The following MYO18B variants were observed in gnomAD, a reference collection of about 807,000 sequenced individuals.
The protein encoded by MYO18B is myosin XVIIIB, also known as unconventional myosin-XVIIIb.
In MYO18B, 204 loss-of-function variants were observed where a neutral mutation model predicts 273.0. That is an observed-to-expected ratio of 0.75 (90% CI 0.67 to 0.84). MYO18B has a LOEUF of 0.84. Ranked by LOEUF, MYO18B falls within the 40% of genes least tolerant of loss-of-function variation. The pLI is 0.00. For missense variants in MYO18B, 3,212 were observed against 3,287.6 expected (o/e 0.98, Z 0.56); for synonymous variants, 1,330 against 1,305.7 (o/e 1.02, Z -0.40).
rs568240002 is a variant in MYO18B at position 26,019,184 on chromosome 22, C to T, written c.6471-7261C>T. Among the ~76,000 whole-genome samples, 205 of 152,290 alleles carry T rather than the reference C, an allele frequency of 1.3e-3. 2 individuals are homozygous for T. The highest frequency in any genetic ancestry group is 8.5e-3 in the South Asian group (41 of 4,826). On this transcript the variant is annotated intron_variant, in intron 42 of 43. Coordinates refer to ENST00000335473, the MANE Select transcript of MYO18B (RefSeq NM_032608.7). ...ATGTGCTGAAAACATTATAGGTAGA[C>T]AGACCAGCATGGGAGTCTCAGCTCT...
chr22:25,869,336 G>A (rs60451235), intron 22 of MYO18B, among the ~76,000 whole-genome samples: 2 of 151,264 alleles, frequency 1.3e-5, no homozygotes, highest in Non-Finnish European at 2.9e-5. Context: ...TGTAATCCCA[G>A]CTACTTGGGA....
intron 33 of MYO18B, among the ~76,000 whole-genome samples, chr22:25,918,930 G>A (rs1370969498): frequency 6.6e-6 from 1 of 152,154 alleles, no homozygotes; most frequent in African/African-American, 2.4e-5. Flanking sequence ...TCTGGATTCA[G>A]ATCTCTGCAC....
the MYO18B span, among the ~76,000 whole-genome samples, chr22:26,042,709 C>T: frequency 6.6e-6 from 1 of 152,342 alleles, no homozygotes; most frequent in Admixed American, 6.5e-5. Context: ...TTCTCTCTCC[C>T]TCTTCAAACA....
chr22:25,978,640 G>C (rs1013209421), intron 39 of MYO18B, among the ~76,000 whole-genome samples: 1 of 151,978 alleles, frequency 6.6e-6, no homozygotes, highest in Non-Finnish European at 1.5e-5. Flanking sequence ...AGATTGATGA[G>C]AGGAACACCA....
At chr22:26,042,777 TG>T in the MYO18B span, among the ~76,000 whole-genome samples, 1 of 152,238 alleles carries the variant, frequency 6.6e-6, no homozygotes, top group Non-Finnish European at 1.5e-5. Context: ...GTACCTATTA[TG>T]TGCTAGGCAC....
intron 29 of MYO18B, among the ~76,000 whole-genome samples, chr22:25,901,806 G>GT (rs34278088): frequency 0.024 from 2,236 of 92,122 alleles, 16 homozygotes; most frequent in East Asian, 0.032. Flanking sequence ...TTTTGGGTTG[G>GT]TTTTTTTTTT....
chr22:25,925,345 C>T (rs1476491845), intron 34 of MYO18B, among the ~76,000 whole-genome samples: 3 of 151,604 alleles, frequency 2.0e-5, no homozygotes, highest in African/African-American at 7.3e-5. Flanking sequence ...TCCCTCAGAA[C>T]ACCCTTTCGA....
In MYO18B at chr22:25,764,313, AT is replaced by A. The variant is rs577693587; in HGVS notation, c.198+925del. Among the ~76,000 whole-genome samples the A allele has an allele frequency of 4.8e-4, 73 of 152,300 alleles. 1 individual carries two copies. In the South Asian group the frequency reaches 0.015, roughly 32 times the overall value. On this transcript the variant is annotated intron_variant, in intron 3 of 43. Coordinates refer to ENST00000335473, the MANE Select transcript of MYO18B (RefSeq NM_032608.7). ...TCTTTAGCCATGGAACCTGGGCAGG[AT>A]GACAAGGTGGACCATGAGGGAGGCA...
the MYO18B span, among the ~76,000 whole-genome samples, chr22:26,041,869 T>C: frequency 6.6e-6 from 1 of 152,160 alleles, no homozygotes; most frequent in African/African-American, 2.4e-5. Context: ...GCAGATGACC[T>C]CCTGGCAGGT....
intron 39 of MYO18B, among the ~76,000 whole-genome samples, chr22:25,990,921 G>T (rs2146842899): frequency 6.6e-6 from 1 of 151,988 alleles, no homozygotes; most frequent in African/African-American, 2.4e-5. Flanking sequence ...ATTAGAGCCG[G>T]TTACAAGAAA....
chr22:26,020,729 A>T (rs1935742505), intron 42 of MYO18B, among the ~76,000 whole-genome samples: 1 of 152,118 alleles, frequency 6.6e-6, no homozygotes, highest in South Asian at 2.1e-4. Context: ...CTCATTTCTA[A>T]CAAGACCCTG....
intron 4 of MYO18B, 93 bp from the exon 5 acceptor site, chr22:25,770,017 G>A (rs764091769): frequency 6.2e-6 from 8 of 1,291,706 alleles, no homozygotes; most frequent in Non-Finnish European, 9.0e-6. Flanking sequence ...GGTTTAGATG[G>A]CTCCAGAGCA....
At position 25,898,416 on chromosome 22, in the gene MYO18B, A is replaced by G; in HGVS notation, c.4778A>G (p.Glu1593Gly). Reference sequence around the variant, plus strand: ...CTTGAGGATACCTGCGTCCTGCTAGAGAACCAACAAAGTCGAAACCATGAG... The same window carrying G: ...CTTGAGGATACCTGCGTCCTGCTAGGGAACCAACAAAGTCGAAACCATGAG... ...CDLEDTCVLL[E>G]NQQSRNHELE... Residue 1593 changes from glutamate (E) to glycine (G), a missense_variant, in exon 29 of 44, where the codon GAG (glutamate) becomes GGG (glycine). Transcript: ENST00000335473. 6.2e-7 allele frequency: 1 copy of G among 1,613,954 alleles called. No individual in the cohort carries two copies. Among genetic ancestry groups the G allele is most frequent in the Non-Finnish European group, 8.5e-7 (1 of 1,179,850 alleles).
At chr22:25,969,645 G>A (rs1194073464) in intron 39 of MYO18B, among the ~76,000 whole-genome samples, 1 of 149,614 alleles carries the variant, frequency 6.7e-6, no homozygotes, top group Non-Finnish European at 1.5e-5. Context: ...ACATTGCTTA[G>A]CACAGAGTAG....
chr22:25,966,444 T>C (rs1290540381), intron 39 of MYO18B, among the ~76,000 whole-genome samples: 3 of 152,224 alleles, frequency 2.0e-5, no homozygotes, highest in African/African-American at 7.2e-5. Context: ...TGAATTATTC[T>C]GGCTGGGAAC....
intron 12 of MYO18B, among the ~76,000 whole-genome samples, chr22:25,810,261 ATG>A (rs2088682459): frequency 6.8e-6 from 1 of 147,776 alleles, no homozygotes; most frequent in African/African-American, 2.6e-5. Context: ...CCATGCCCAG[ATG>A]TTTTTTTTGT....
chr22:25,826,476 G>C lies in MYO18B; in HGVS notation c.2763G>C (p.Ala921=), dbSNP rs984469268. The change falls in exon 14 of 44, where the codon GCG becomes GCC. Residue 921 remains alanine (A), a synonymous_variant. Coordinates refer to ENST00000335473, the MANE Select transcript of MYO18B (RefSeq NM_032608.7). ...CGGGCCTGTACCAGGAACTCTTTGC[G>C]GCTGTGGTCTCACTCATCAACAGGT... ...MASGLYQELF[A]AVVSLINRSF... is the part of the protein sequence containing the mutation. 3 of 1,613,646 alleles carry C rather than the reference G, an allele frequency of 1.9e-6. No individual in the cohort carries two copies. The highest frequency in any genetic ancestry group is 2.5e-6 in the Non-Finnish European group (3 of 1,179,734).
rs376266517 is a variant in MYO18B at position 25,761,051 on chromosome 22, CCATCT to C, written c.-32_-28del. ...ATTCCGTGCTGTCTGGCAGGAAGCT[CCATCT>C]CATCTCATCATCTCACGGCCCTGGC... is the stretch of plus-strand genomic sequence containing the variant. On this transcript the variant is annotated 5_prime_UTR_variant, in exon 2 of 44. Transcript: ENST00000335473. The C allele has an allele frequency of 2.6e-4, 414 of 1,610,984 alleles. 1 individual carries two copies. In the African/African-American group the frequency reaches 5.2e-3, roughly 20 times the overall value.
intron 1 of MYO18B, among the ~76,000 whole-genome samples, chr22:25,752,802 G>A (rs1194139677): frequency 1.3e-5 from 2 of 152,226 alleles, no homozygotes; most frequent in African/African-American, 4.8e-5. Context: ...GCCGGAGCCG[G>A]CTCCCTCTGC....
Sources: allele counts gnomAD v4.1 joint callset (sites outside exome capture counted in the v4.1 genomes callset), GRCh38; gene constraint gnomAD v4.1.1; transcripts MANE v1.5; gene names NCBI Gene and HGNC (gene_info 2026-07-23, HGNC 2026-07-21).